The following TUSC3 variants were observed in gnomAD, a reference collection of about 807,000 sequenced individuals.
TUSC3 encodes the protein dolichyl-diphosphooligosaccharide--protein glycosyltransferase subunit TUSC3.
TUSC3 carries 45 observed loss-of-function variants against 44.8 expected under a neutral mutation model. The ratio of observed to expected loss-of-function variants is 1.00; its 90% CI spans 0.79 to 1.29. The LOEUF is 1.29. Among genes scored for constraint, TUSC3 ranks in the 50% most tolerant of loss-of-function variants. The probability of loss-of-function intolerance (pLI) is 0.00; values close to 1 mark genes in which losing one functional copy is unlikely to be tolerated. For synonymous variants in TUSC3, 212 were observed against 152.9 expected (o/e 1.39, Z -2.85); for missense variants, 519 against 437.9 (o/e 1.19, Z -1.65).
At chr8:15,757,539 G>C (rs796463818) in intron 9 of TUSC3, among the ~76,000 whole-genome samples, 22 of 152,242 alleles carry the variant, frequency 1.4e-4, no homozygotes, top group African/African-American at 5.1e-4. Flanking sequence ...ACACATCATT[G>C]ATGAGAATTT....
At chr8:15,440,075 C>A (rs903141375) in intron 1 of TUSC3, among the ~76,000 whole-genome samples, 25 of 152,152 alleles carry the variant, frequency 1.6e-4, no homozygotes, top group African/African-American at 5.6e-4. Flanking sequence ...ATCCCACTTA[C>A]GCATGTGTAA....
intron 2 of TUSC3, among the ~76,000 whole-genome samples, chr8:15,491,706 A>G (rs895333538): frequency 3.3e-5 from 5 of 152,210 alleles, no homozygotes; most frequent in Non-Finnish European, 7.3e-5. Context: ...GCTAAGCACC[A>G]TCTGGGAACC....
chr8:15,522,215 A>G (rs560834905), intron 2 of TUSC3, among the ~76,000 whole-genome samples: 23 of 152,096 alleles, frequency 1.5e-4, no homozygotes, highest in Middle Eastern at 3.4e-3. Context: ...TAGTAAGTCA[A>G]TAAATAGTAT....
the TUSC3 span, among the ~76,000 whole-genome samples, chr8:15,788,662 G>C: frequency 6.6e-6 from 1 of 152,006 alleles, no homozygotes; most frequent in African/African-American, 2.4e-5. Flanking sequence ...TAAAGGAAGA[G>C]TACTATCAGG....
In TUSC3 at chr8:15,764,250, T is replaced by G. The variant is rs1218382056; in HGVS notation, c.*94T>G. ...GTGGGATTTGCATAAAGTGAATGTT[T>G]ACCATGAAGATAAACTGTTCCTGAC... is the stretch of plus-strand genomic sequence containing the variant. On this transcript the variant is annotated 3_prime_UTR_variant, in exon 11 of 11. Coordinates refer to ENST00000503731, the MANE Select transcript of TUSC3 (RefSeq NM_006765.4). 1.2e-6 allele frequency: 2 copies of G among 1,602,012 alleles called. No homozygotes were observed. The highest frequency in any genetic ancestry group is 1.7e-6 in the Non-Finnish European group (2 of 1,170,694).
intron 6 of TUSC3, among the ~76,000 whole-genome samples, chr8:15,724,681 A>G (rs780076042): frequency 2.6e-5 from 4 of 152,160 alleles, no homozygotes; most frequent in Non-Finnish European, 4.4e-5. Flanking sequence ...TTGCATGTCC[A>G]TTGCCCTTGT....
the TUSC3 span, among the ~76,000 whole-genome samples, chr8:15,798,036 G>A: frequency 6.6e-6 from 1 of 152,148 alleles, no homozygotes; most frequent in African/African-American, 2.4e-5. Context: ...ATGTCCGATA[G>A]AACACCTAGG....
At chr8:15,616,681 G>T (rs1047170904) in intron 1 of TUSC3, among the ~76,000 whole-genome samples, 5 of 152,204 alleles carry the variant, frequency 3.3e-5, no homozygotes, top group African/African-American at 1.2e-4. Flanking sequence ...TGTGCTGTGG[G>T]TGGCAGGAAG....
the TUSC3 span, among the ~76,000 whole-genome samples, chr8:15,798,885 A>G: frequency 6.6e-6 from 1 of 152,140 alleles, no homozygotes; most frequent in African/African-American, 2.4e-5. Context: ...GAAATTTTCC[A>G]TGGTGATGCT....
At chr8:15,425,329 T>G (rs988110843) in intron 1 of TUSC3, among the ~76,000 whole-genome samples, 7 of 152,208 alleles carry the variant, frequency 4.6e-5, no homozygotes, top group African/African-American at 1.7e-4. Context: ...TTTTTCGCCC[T>G]TAAGAATGCT....
intron 2 of TUSC3, among the ~76,000 whole-genome samples, chr8:15,637,248 GT>G (rs1156244106): frequency 6.6e-6 from 1 of 151,136 alleles, no homozygotes; most frequent in African/African-American, 2.4e-5. Flanking sequence ...CTTTTATTTT[GT>G]TTTTGTTCTC....
intron 2 of TUSC3, among the ~76,000 whole-genome samples, chr8:15,649,258 G>A (rs759395357): frequency 6.6e-6 from 1 of 152,036 alleles, no homozygotes; most frequent in Admixed American, 6.6e-5. Flanking sequence ...GGACTGGTTC[G>A]GGAGGGTGCA....
At chr8:15,733,425 A>C (rs773257538) in intron 7 of TUSC3, 3 of 391,062 alleles carry the variant, frequency 7.7e-6, no homozygotes, top group South Asian at 5.9e-5. Flanking sequence ...GGATAAAGTG[A>C]TGACTATCGA....
chr8:15,781,283 CA>C, the TUSC3 span, among the ~76,000 whole-genome samples: 1 of 152,166 alleles, frequency 6.6e-6, no homozygotes. Flanking sequence ...AGTGGAACCC[CA>C]ACCTTTCCAA....
intron 1 of TUSC3, among the ~76,000 whole-genome samples, chr8:15,582,041 C>G (rs991036410): frequency 1.1e-4 from 17 of 152,180 alleles, no homozygotes; most frequent in East Asian, 1.9e-4. Context: ...GTCTGAAAAG[C>G]GCAATATTCG....
chr8:15,557,706 A>G lies in TUSC3; in HGVS notation c.138+17138A>G, dbSNP rs28802046. Among the ~76,000 whole-genome samples, 465 of 121,870 alleles carry G rather than the reference A, an allele frequency of 3.8e-3. 11 individuals are homozygous for G. Among genetic ancestry groups the G allele is most frequent in the Non-Finnish European group, 4.7e-3 (256 of 54,964 alleles). The allele number at this position is 121,870 out of a possible 152,430, so 80.0% of individuals were successfully genotyped here. A position where few individuals can be genotyped will look rare whatever the true frequency, so the allele number is the denominator to read the frequency against. On this transcript the variant is annotated intron_variant, in intron 1 of 10. Coordinates refer to ENST00000503731, the MANE Select transcript of TUSC3 (RefSeq NM_006765.4). ...GAGCAGTGGTTGGTAGTTCTCCTTG[A>G]AGAGGTCCTTCACATCCCTTGTAAG...
intron 8 of TUSC3, among the ~76,000 whole-genome samples, 194 bp from the exon 9 acceptor site, chr8:15,748,181 A>C (rs1585298784): frequency 6.6e-6 from 1 of 152,094 alleles, no homozygotes; most frequent in Non-Finnish European, 1.5e-5. Context: ...CAAATAGTAC[A>C]TTTTCATTGA....
chr8:15,821,721 T>C, the TUSC3 span, among the ~76,000 whole-genome samples: 1 of 152,156 alleles, frequency 6.6e-6, no homozygotes, highest in Non-Finnish European at 1.5e-5. Flanking sequence ...CTTCACAATC[T>C]GCCCCCTTTT....
chr8:15,430,224 C>T (rs1331177297), intron 1 of TUSC3, among the ~76,000 whole-genome samples: 1 of 145,644 alleles, frequency 6.9e-6, no homozygotes, highest in East Asian at 1.9e-4. Flanking sequence ...ATGCAAAAAT[C>T]CTCAATAAAA....
Sources: allele counts gnomAD v4.1 joint callset (sites outside exome capture counted in the v4.1 genomes callset), GRCh38; gene constraint gnomAD v4.1.1; transcripts MANE v1.5; gene names NCBI Gene and HGNC (gene_info 2026-07-23, HGNC 2026-07-21).